SYNDIG1: variants seen among roughly 807,000 people sequenced by gnomAD.
The protein encoded by SYNDIG1 is synapse differentiation-inducing gene protein 1.
In SYNDIG1, 9 loss-of-function variants were observed where a neutral mutation model predicts 19.4. The ratio of observed to expected loss-of-function variants is 0.46; its 90% CI spans 0.28 to 0.81. The LOEUF (loss-of-function observed/expected upper bound fraction) is 0.81, where lower values mean the gene tolerates loss of function less well. SYNDIG1 is among the 30% of genes least tolerant of loss of function. The probability of loss-of-function intolerance (pLI) is 0.12; values close to 1 mark genes in which losing one functional copy is unlikely to be tolerated. For synonymous variants in SYNDIG1, 141 were observed against 145.9 expected (o/e 0.97, Z 0.24); for missense variants, 311 against 343.3 (o/e 0.91, Z 0.74).
intron 1 of SYNDIG1, among the ~76,000 whole-genome samples, chr20:24,526,582 T>C (rs955227591): frequency 6.6e-6 from 1 of 152,124 alleles, no homozygotes; most frequent in Non-Finnish European, 1.5e-5. Context: ...GAGAGAGATA[T>C]AGATATAGAT....
intron 3 of SYNDIG1, among the ~76,000 whole-genome samples, chr20:24,646,029 G>A (rs961104163): frequency 6.6e-5 from 10 of 152,188 alleles, no homozygotes; most frequent in African/African-American, 2.4e-4. Flanking sequence ...CACCTGGAGA[G>A]AGGAGAGCTG....
At chr20:24,519,880 A>G (rs1052698939) in intron 1 of SYNDIG1, among the ~76,000 whole-genome samples, 1 of 152,024 alleles carries the variant, frequency 6.6e-6, no homozygotes. Context: ...CGCCATCACG[A>G]AAAACACAGA....
chr20:24,555,639 T>A, intron 2 of SYNDIG1, among the ~76,000 whole-genome samples: 1 of 152,220 alleles, frequency 6.6e-6, no homozygotes, highest in East Asian at 1.9e-4. Flanking sequence ...TAATCCTGAG[T>A]TCTAGTTTGA....
intron 1 of SYNDIG1, among the ~76,000 whole-genome samples, chr20:24,475,026 T>C (rs2055576816): frequency 6.6e-6 from 1 of 152,184 alleles, no homozygotes; most frequent in Admixed American, 6.5e-5. Flanking sequence ...CCACCCCCCA[T>C]GCCCCCACTT....
intron 3 of SYNDIG1, among the ~76,000 whole-genome samples, chr20:24,601,646 G>A (rs2058681480): frequency 6.6e-6 from 1 of 152,152 alleles, no homozygotes; most frequent in Non-Finnish European, 1.5e-5. Flanking sequence ...TCTGGGGATG[G>A]ATGGATAGAC....
intron 3 of SYNDIG1, among the ~76,000 whole-genome samples, chr20:24,636,048 C>T (rs2059311814): frequency 6.6e-6 from 1 of 152,206 alleles, no homozygotes; most frequent in South Asian, 2.1e-4. Context: ...CTTTCCAACA[C>T]TGCTTGTTCA....
At chr20:24,598,213 C>A (rs987602245) in intron 3 of SYNDIG1, among the ~76,000 whole-genome samples, 4 of 152,196 alleles carry the variant, frequency 2.6e-5, no homozygotes, top group African/African-American at 9.7e-5. Context: ...TGCCGCCATG[C>A]ACTCACGAAA....
At chr20:24,642,673 T>C (rs931327846) in intron 3 of SYNDIG1, among the ~76,000 whole-genome samples, 1 of 152,176 alleles carries the variant, frequency 6.6e-6, no homozygotes, top group Non-Finnish European at 1.5e-5. Context: ...CTCTTTCAGA[T>C]TGGTTTCTGT....
intron 3 of SYNDIG1, among the ~76,000 whole-genome samples, chr20:24,639,742 C>T (rs1359700679): frequency 2.0e-5 from 3 of 152,118 alleles, no homozygotes; most frequent in Non-Finnish European, 2.9e-5. Flanking sequence ...AAGAGTTTAG[C>T]CTGATTCTTT....
At chr20:24,589,802 C>T (rs1273973128) in intron 3 of SYNDIG1, among the ~76,000 whole-genome samples, 2 of 152,110 alleles carry the variant, frequency 1.3e-5, no homozygotes, top group African/African-American at 4.8e-5. Flanking sequence ...ATGAATAGTA[C>T]CAGCAAAGGG....
chr20:24,539,372 G>A (rs997317205), intron 1 of SYNDIG1, among the ~76,000 whole-genome samples: 5 of 152,182 alleles, frequency 3.3e-5, no homozygotes, highest in South Asian at 2.1e-4. Flanking sequence ...CTATTGAATG[G>A]TGTTGGCACC....
At chr20:24,544,867 G>T (rs893029512) in intron 2 of SYNDIG1, among the ~76,000 whole-genome samples, 34 of 152,168 alleles carry the variant, frequency 2.2e-4, no homozygotes, top group Non-Finnish European at 4.4e-4. Context: ...TTTGTGTGAA[G>T]ATCTGGTCAG....
Position 24,665,393 on chromosome 20 carries a change from C to T in SYNDIG1, c.666C>T (p.Ser222=). Residue 222 remains serine (S), a synonymous_variant, in exon 4 of 4, where the codon AGC becomes AGT. Transcript: ENST00000376862. ...AKGDLHQAST[S]SRRALFLAVL... ...GGGACTTGCACCAGGCCAGCACCAGCTCCCGGCGGGCCCTATTCCTGGCAG... is the reference window on the plus strand; with the variant it reads ...GGGACTTGCACCAGGCCAGCACCAGTTCCCGGCGGGCCCTATTCCTGGCAG... 1 of 1,611,624 alleles carries T rather than the reference C, an allele frequency of 6.2e-7. No individual in the cohort carries two copies. Among genetic ancestry groups the T allele is most frequent in the Non-Finnish European group, 8.5e-7 (1 of 1,179,214 alleles).
intron 2 of SYNDIG1, among the ~76,000 whole-genome samples, chr20:24,560,254 A>G (rs540832990): frequency 2.3e-4 from 35 of 151,284 alleles, no homozygotes; most frequent in South Asian, 1.0e-3. Context: ...TTTTTTTAGT[A>G]GAGACAGGGT....
chr20:24,642,237 G>T (rs1047879511), intron 3 of SYNDIG1, among the ~76,000 whole-genome samples: 2 of 152,148 alleles, frequency 1.3e-5, no homozygotes, highest in African/African-American at 4.8e-5. Context: ...ATCGTGGGAG[G>T]CCCCACTGTT....
intron 3 of SYNDIG1, 64 bp downstream of exon 3, chr20:24,585,057 C>T: frequency 7.3e-7 from 1 of 1,370,052 alleles, no homozygotes; most frequent in Non-Finnish European, 1.0e-6. Flanking sequence ...GTGGGGGCGG[C>T]AATCCCAGCC....
In SYNDIG1 at chr20:24,634,069, GAGAA is replaced by G. The variant is rs1019695803; in HGVS notation, c.619-31270_619-31267del. Among the ~76,000 whole-genome samples, 6 of 152,272 alleles carry G rather than the reference GAGAA, an allele frequency of 3.9e-5. No individual in the cohort carries two copies. In the East Asian group the frequency reaches 7.7e-4, roughly 20 times the overall value. On this transcript the variant is annotated intron_variant, in intron 3 of 3. Coordinates refer to ENST00000376862, the MANE Select transcript of SYNDIG1 (RefSeq NM_024893.3). Reference sequence around the variant, plus strand: ...AAACAGAAGGAGGAGGAAGAGAATGGAGAAAGAAAGCATGAAAACTGAACCTCTC... The same window carrying G: ...AAACAGAAGGAGGAGGAAGAGAATGGAGAAAGCATGAAAACTGAACCTCTC...
At chr20:24,571,142 A>G (rs2058134080) in intron 2 of SYNDIG1, among the ~76,000 whole-genome samples, 1 of 152,162 alleles carries the variant, frequency 6.6e-6, no homozygotes, top group African/African-American at 2.4e-5. Context: ...GGGATATGAA[A>G]AGGAAAAATG....
At chr20:24,547,318 T>C (rs903742528) in intron 2 of SYNDIG1, among the ~76,000 whole-genome samples, 2 of 152,250 alleles carry the variant, frequency 1.3e-5, no homozygotes, top group Admixed American at 6.5e-5. Flanking sequence ...GTCTGACATA[T>C]GTTTGCAAGG....
Sources: gnomAD v4.1 joint callset for allele counts (sites outside exome capture counted in the v4.1 genomes callset) on GRCh38, gnomAD v4.1.1 for gene constraint, MANE v1.5 for transcripts, NCBI Gene and HGNC (gene_info 2026-07-23, HGNC 2026-07-21) for gene names.